Variants in R3HCC1L observed in about 807,000 individuals in gnomAD.
The protein encoded by R3HCC1L is coiled-coil domain-containing protein R3HCC1L.
R3HCC1L carries 51 observed loss-of-function variants against 59.9 expected under a neutral mutation model. That is an observed-to-expected ratio of 0.85 (90% confidence interval 0.68 to 1.07). The LOEUF (loss-of-function observed/expected upper bound fraction) is 1.07, where lower values mean the gene tolerates loss of function less well. Among genes scored for constraint, R3HCC1L ranks in the 50% least tolerant of loss-of-function variants. The pLI is 0.00. For missense variants in R3HCC1L, 965 were observed against 933.0 expected (o/e 1.03, Z -0.45); for synonymous variants, 322 against 315.2 (o/e 1.02, Z -0.23).
chr10:98,212,103 G>T (rs1470878179), intron 5 of R3HCC1L, among the ~76,000 whole-genome samples: 1 of 152,058 alleles, frequency 6.6e-6, no homozygotes, highest in Non-Finnish European at 1.5e-5. Flanking sequence ...AGGAAGGAGG[G>T]AAATGGATTG....
intron 2 of R3HCC1L, among the ~76,000 whole-genome samples, chr10:98,157,003 AC>A (rs1332403225): frequency 6.6e-6 from 1 of 152,184 alleles, no homozygotes; most frequent in Non-Finnish European, 1.5e-5. Context: ...TTCTATTTTC[AC>A]ATTTGATTAA....
chr10:98,221,713 G>C (rs575299609), intron 5 of R3HCC1L, among the ~76,000 whole-genome samples: 2 of 152,040 alleles, frequency 1.3e-5, no homozygotes, highest in Non-Finnish European at 2.9e-5. Flanking sequence ...ATTTCTGAGG[G>C]CTCTGTTCTG....
chr10:98,228,085 G>A (rs1590806019), intron 5 of R3HCC1L, among the ~76,000 whole-genome samples: 1 of 152,222 alleles, frequency 6.6e-6, no homozygotes, highest in East Asian at 1.9e-4. Flanking sequence ...ATAATCCTTT[G>A]GGTATATACC....
intron 9 of R3HCC1L, among the ~76,000 whole-genome samples, chr10:98,236,949 TA>T (rs1857031361): frequency 6.6e-6 from 1 of 152,200 alleles, no homozygotes; most frequent in Non-Finnish European, 1.5e-5. Flanking sequence ...AAATTCCACT[TA>T]CCGAAAAGTA....
At chr10:98,188,475 G>T (rs1487300093) in intron 4 of R3HCC1L, among the ~76,000 whole-genome samples, 1 of 152,166 alleles carries the variant, frequency 6.6e-6, no homozygotes, top group Non-Finnish European at 1.5e-5. Flanking sequence ...AATGGCAATG[G>T]AGACTCCTGT....
chr10:98,152,627 C>T lies in R3HCC1L; in HGVS notation c.-267-3466C>T, dbSNP rs1323128267. On this transcript the variant is annotated intron_variant, in intron 1 of 9. Transcript: ENST00000298999. Reference sequence around the variant, plus strand: ...CGCCCATAGTCTGAGATGCGGGGAGCGCCTCTGCCCCGCCACCCCGTCTGG... The same window carrying T: ...CGCCCATAGTCTGAGATGCGGGGAGTGCCTCTGCCCCGCCACCCCGTCTGG... 8.7e-5 allele frequency among the ~76,000 whole-genome samples: 11 copies of T among 126,608 alleles called. 3 individuals are homozygous for T. The South Asian group carries it at 1.0e-3, about 12-fold the overall frequency. The allele number at this position is 126,608 out of a possible 152,430, so 83.1% of individuals were successfully genotyped here.
At chr10:98,204,192 T>C (rs1205879982) in intron 4 of R3HCC1L, among the ~76,000 whole-genome samples, 1 of 152,160 alleles carries the variant, frequency 6.6e-6, no homozygotes, top group Non-Finnish European at 1.5e-5. Flanking sequence ...GCGGATCACC[T>C]GAGGTCGGGA....
rs756353199 is a variant in R3HCC1L at position 98,209,082 on chromosome 10, A to G, written c.968A>G (p.Asp323Gly). ...GHISLSESTN[D>G]TVSPVMIREC... ...ATCTCTCTGTCAGAGAGCACAAATG[A>G]CACTGTTAGTCCAGTAATGATTAGA... is the stretch of plus-strand genomic sequence containing the variant. Residue 323 changes from aspartate to glycine, a missense_variant, in exon 5 of 10, where the codon GAC becomes GGC. Coordinates refer to ENST00000298999, the MANE Select transcript of R3HCC1L (RefSeq NM_001351015.2). The G allele has an allele frequency of 4.3e-6, 7 of 1,613,904 alleles. No homozygotes were observed. Among genetic ancestry groups the G allele is most frequent in the Non-Finnish European group, 5.9e-6 (7 of 1,179,960 alleles).
intron 4 of R3HCC1L, among the ~76,000 whole-genome samples, chr10:98,198,151 T>TA (rs1851643958): frequency 6.6e-6 from 1 of 152,100 alleles, no homozygotes; most frequent in African/African-American, 2.4e-5. Context: ...CTGACAGTGA[T>TA]ACTGTTCACC....
intron 5 of R3HCC1L, among the ~76,000 whole-genome samples, chr10:98,229,266 A>C (rs1244500215): frequency 1.3e-5 from 2 of 152,200 alleles, no homozygotes; most frequent in Non-Finnish European, 2.9e-5. Flanking sequence ...TTCATCAAGC[A>C]GTGGTTTGTA....
chr10:98,190,599 A>T (rs1308649427), intron 4 of R3HCC1L, among the ~76,000 whole-genome samples: 1 of 152,214 alleles, frequency 6.6e-6, no homozygotes, highest in African/African-American at 2.4e-5. Flanking sequence ...AAAAGTGAAG[A>T]AGAATTCTAG....
chr10:98,227,403 T>C (rs900040310), intron 5 of R3HCC1L, among the ~76,000 whole-genome samples: 5 of 152,286 alleles, frequency 3.3e-5, no homozygotes, highest in East Asian at 1.9e-4. Context: ...AAAGGAGATA[T>C]ATATTCCTGG....
At chr10:98,160,698 T>C (rs1462124882) in intron 2 of R3HCC1L, among the ~76,000 whole-genome samples, 1 of 152,190 alleles carries the variant, frequency 6.6e-6, no homozygotes, top group Non-Finnish European at 1.5e-5. Context: ...TATTCTTCAG[T>C]ATGTGAAACA....
chr10:98,217,974 C>T (rs555006480), intron 5 of R3HCC1L, among the ~76,000 whole-genome samples: 20 of 152,086 alleles, frequency 1.3e-4, no homozygotes, highest in Non-Finnish European at 2.9e-4. Flanking sequence ...TACAGTTTGA[C>T]TTCCTCTTTT....
chr10:98,148,926 G>C (rs1461786304), intron 1 of R3HCC1L, among the ~76,000 whole-genome samples: 1 of 152,088 alleles, frequency 6.6e-6, no homozygotes, highest in Non-Finnish European at 1.5e-5. Flanking sequence ...TCAGTTTTCT[G>C]GAAGAGTATG....
At chr10:98,234,088 CTCCTCTGCT>C (rs148187586) in intron 6 of R3HCC1L, among the ~76,000 whole-genome samples, 18,854 of 152,040 alleles carry the variant, frequency 0.12, 1,198 homozygotes, top group Middle Eastern at 0.17. Flanking sequence ...TATTCTACCC[CTCCTCTGCT>C]TCCTCTTTCC....
At chr10:98,214,629 G>A (rs1853955218) in intron 5 of R3HCC1L, among the ~76,000 whole-genome samples, 1 of 152,046 alleles carries the variant, frequency 6.6e-6, no homozygotes, top group Non-Finnish European at 1.5e-5. Context: ...ATTTAAATTT[G>A]TTTTACCTAT....
At chr10:98,153,896 A>G (rs1328857856) in intron 1 of R3HCC1L, among the ~76,000 whole-genome samples, 3 of 151,978 alleles carry the variant, frequency 2.0e-5, no homozygotes, top group East Asian at 1.9e-4. Context: ...TTCAGATTCT[A>G]TTATTTTCCA....
chr10:98,225,477 A>C (rs188609585), intron 5 of R3HCC1L, among the ~76,000 whole-genome samples: 133 of 151,804 alleles, frequency 8.8e-4, no homozygotes, highest in African/African-American at 2.5e-3. Flanking sequence ...TATCTCCACA[A>C]AAAAAAATGT....
Sources: gnomAD v4.1 joint callset for allele counts (sites outside exome capture counted in the v4.1 genomes callset) on GRCh38, gnomAD v4.1.1 for gene constraint, MANE v1.5 for transcripts, NCBI Gene and HGNC (gene_info 2026-07-23, HGNC 2026-07-21) for gene names.